PITPNM2: variants seen among roughly 807,000 people sequenced by gnomAD.
PITPNM2 encodes the protein membrane-associated phosphatidylinositol transfer protein 2.
A neutral mutation model predicts 132.2 loss-of-function variants in PITPNM2; 35 were observed. The ratio of observed to expected loss-of-function variants is 0.26; its 90% CI spans 0.20 to 0.35. The LOEUF (loss-of-function observed/expected upper bound fraction) is 0.35, where lower values mean the gene tolerates loss of function less well. Among genes scored for constraint, PITPNM2 ranks in the 10% least tolerant of loss-of-function variants. The pLI, the probability that PITPNM2 is intolerant of heterozygous loss-of-function variation, is 1.00. For synonymous variants in PITPNM2, 738 were observed against 799.2 expected (o/e 0.92, Z 1.29); for missense variants, 1,332 against 1,912.0 (o/e 0.70, Z 5.66).
chr12:123,136,868 G>A (rs1167165796), intron 1 of PITPNM2, among the ~76,000 whole-genome samples: 1 of 152,194 alleles, frequency 6.6e-6, no homozygotes, highest in African/African-American at 2.4e-5. Context: ...CTGCACTCTG[G>A]CCAGATAGAG....
chr12:123,146,467 G>A (rs1048498292), intron 1 of PITPNM2, among the ~76,000 whole-genome samples: 4 of 151,914 alleles, frequency 2.6e-5, no homozygotes, highest in Non-Finnish European at 5.9e-5. Context: ...GGTGGTGGGC[G>A]CCTGTAATCC....
chr12:123,065,229 A>G (rs2041374229), intron 2 of PITPNM2, among the ~76,000 whole-genome samples: 1 of 152,216 alleles, frequency 6.6e-6, no homozygotes, highest in Non-Finnish European at 1.5e-5. Context: ...CCAAAAAACC[A>G]GAAGAAAGGG....
intron 1 of PITPNM2, among the ~76,000 whole-genome samples, chr12:123,149,308 T>G (rs2043681030): frequency 6.6e-6 from 1 of 152,180 alleles, no homozygotes; most frequent in Non-Finnish European, 1.5e-5. Context: ...CTGGCCATCT[T>G]CAGGGCAGAG....
intron 2 of PITPNM2, among the ~76,000 whole-genome samples, chr12:123,052,077 G>GTTTTTTTTTTTTTTT (rs10606016): frequency 8.0e-5 from 8 of 100,620 alleles, no homozygotes; most frequent in Non-Finnish European, 1.2e-4. Context: ...TAATTTTATT[G>GTTTTTTTTTTTTTTT]TTTTTTTTTT....
intron 8 of PITPNM2, among the ~76,000 whole-genome samples, chr12:123,002,452 G>T (rs919965492): frequency 6.6e-6 from 1 of 151,894 alleles, no homozygotes; most frequent in Non-Finnish European, 1.5e-5. Context: ...TTGCTTTGAC[G>T]CCCAGGCTGG....
At chr12:123,084,350 C>T (rs2042050400) in intron 2 of PITPNM2, 1 of 152,226 alleles carries the variant, frequency 6.6e-6, no homozygotes, top group South Asian at 2.1e-4. Context: ...CAGATGAAGC[C>T]CCAGAGGCAC....
chr12:123,133,883 T>C (rs1023761202), intron 1 of PITPNM2, among the ~76,000 whole-genome samples: 4 of 152,104 alleles, frequency 2.6e-5, no homozygotes, highest in African/African-American at 9.7e-5. Flanking sequence ...CCCAGATCCA[T>C]GTTGGCCAGA....
intron 2 of PITPNM2, chr12:123,088,256 C>T (rs2042167169): frequency 6.6e-6 from 1 of 152,172 alleles, no homozygotes. Flanking sequence ...GACTTGCTTT[C>T]TAAATTTATT....
In PITPNM2 at chr12:123,108,116, C is replaced by T. The variant is rs2042758660; in HGVS notation, c.-96+2269G>A. On this transcript the variant is annotated intron_variant, in intron 2 of 25. Coordinates refer to ENST00000320201, the MANE Select transcript of PITPNM2 (RefSeq NM_020845.3). This position sits in a 1 kb window ranked among gnomAD's most constrained non-coding sequence, Gnocchi z 4.4. ...AAGCAAAGCGCAGAGAATGTACCAG[C>T]ATATAAACTAGACGCGGGCAGGGAT... Among the ~76,000 whole-genome samples, 1 of 152,180 alleles carries T rather than the reference C, an allele frequency of 6.6e-6. No individual in the cohort carries two copies. The highest frequency in any genetic ancestry group is 1.5e-5 in the Non-Finnish European group (1 of 68,044).
chr12:123,075,273 G>A (rs925607531), intron 2 of PITPNM2, among the ~76,000 whole-genome samples: 2 of 152,222 alleles, frequency 1.3e-5, no homozygotes, highest in African/African-American at 4.8e-5. Flanking sequence ...TCTTCCTGCA[G>A]TTTAAGTCAT....
intron 2 of PITPNM2, chr12:123,091,920 G>A (rs1260147398): frequency 6.6e-6 from 1 of 152,610 alleles, no homozygotes; most frequent in Non-Finnish European, 1.5e-5. Flanking sequence ...CTGCCTTGTG[G>A]GGCTGATTCA....
At position 123,082,031 on chromosome 12, in the gene PITPNM2, G is replaced by A. The variant is rs2041979651; in HGVS notation, c.-96+28354C>T. ...AGAGGTGGGAGCTGTAGCTGAGGAT[G>A]GGCCTGTACCCCCACCCTGCAAAGC... is the stretch of plus-strand genomic sequence containing the variant. On this transcript the variant is annotated intron_variant, in intron 2 of 25. Transcript: ENST00000320201. This position sits in a 1 kb window ranked among gnomAD's most constrained non-coding sequence, Gnocchi z 5.4. 3 of 152,402 alleles carry A rather than the reference G, an allele frequency of 2.0e-5. No individual in the cohort carries two copies. The South Asian group carries it at 6.2e-4, about 32-fold the overall frequency. The allele number at this position is 152,402 out of a possible 1,614,324, so 9.4% of individuals were successfully genotyped here.
At chr12:123,151,181 G>C (rs1389661941), upstream of PITPNM2, among the ~76,000 whole-genome samples, 1 of 147,090 alleles carries the variant, frequency 6.8e-6, no homozygotes, top group African/African-American at 2.4e-5. Context: ...GGCGGCGGGG[G>C]CGCGTCCCTG....
intron 4 of PITPNM2, among the ~76,000 whole-genome samples, chr12:123,013,602 T>A (rs1423446383): frequency 1.3e-5 from 2 of 152,216 alleles, no homozygotes; most frequent in African/African-American, 4.8e-5. Context: ...CCTCCACACG[T>A]AGGCAGTCAG....
intron 2 of PITPNM2, among the ~76,000 whole-genome samples, chr12:123,040,342 G>C (rs1054166445): frequency 6.6e-6 from 1 of 151,990 alleles, no homozygotes; most frequent in Non-Finnish European, 1.5e-5. Context: ...TATACTTACT[G>C]TGATGAAATA....
Position 122,986,675 on chromosome 12 carries a change from C to T in PITPNM2, c.3568G>A (p.Ala1190Thr). The T allele has an allele frequency of 6.2e-7, 1 of 1,613,342 alleles. No individual in the cohort carries two copies. The highest frequency in any genetic ancestry group is 1.1e-5 in the South Asian group (1 of 91,078). ...GLVHDPLRHKANFLKLLISEL... is the reference protein window; with the variant it reads ...GLVHDPLRHKTNFLKLLISEL... ...GAGATGAGCAGCTTCAGGAAGTTGGCCTTGTGCCGCAGCGGGTCATGCACC... is the reference window on the plus strand; with the variant it reads ...GAGATGAGCAGCTTCAGGAAGTTGGTCTTGTGCCGCAGCGGGTCATGCACC... The change falls in exon 24 of 26, where the codon GCC (alanine) becomes ACC (threonine). Residue 1190 changes from alanine (A) to threonine (T), a missense_variant. Transcript: ENST00000320201.
At chr12:123,123,154 T>G (rs985177247) in intron 1 of PITPNM2, among the ~76,000 whole-genome samples, 1 of 152,186 alleles carries the variant, frequency 6.6e-6, no homozygotes, top group African/African-American at 2.4e-5. Context: ...GGGACCTGGT[T>G]TAACACATGA....
rs1433771342 is a variant in PITPNM2, at chr12:122,997,492, C to T, written c.1305G>A (p.Leu435=). Residue 435 remains leucine (L), a synonymous_variant, in exon 11 of 26, where the codon CTG becomes CTA. Transcript: ENST00000320201. ...LLLVLHGGTI[L]DTGAGDPSSK... ...AGCTGGGGTCCCCGGCGCCTGTGTCCAGGATGGTGCCTCCGTGCAGCACCA... is the reference window on the plus strand; with the variant it reads ...AGCTGGGGTCCCCGGCGCCTGTGTCTAGGATGGTGCCTCCGTGCAGCACCA... 3 of 1,613,522 alleles carry T rather than the reference C, an allele frequency of 1.9e-6. No individual in the cohort carries two copies. The highest frequency in any genetic ancestry group is 2.5e-6 in the Non-Finnish European group (3 of 1,180,006).
intron 23 of PITPNM2, 64 bp from the exon 24 acceptor site, chr12:122,986,893 C>A: frequency 6.7e-7 from 1 of 1,502,000 alleles, no homozygotes; most frequent in Non-Finnish European, 8.9e-7. Context: ...TGTCTCCTGC[C>A]CAGCCAGGGC....
Sources: gnomAD v4.1 joint callset for allele counts (sites outside exome capture counted in the v4.1 genomes callset) on GRCh38, gnomAD v4.1.1 for gene constraint, Gnocchi (gnomAD v3.1) non-coding constraint, MANE v1.5 for transcripts, NCBI Gene and HGNC (gene_info 2026-07-23, HGNC 2026-07-21) for gene names.